Variants in DYRK1A observed in about 807,000 individuals in gnomAD.
The protein encoded by DYRK1A is dual specificity tyrosine phosphorylation regulated kinase 1A.
A neutral mutation model predicts 79.7 loss-of-function variants in DYRK1A; 9 were observed. The observed-to-expected ratio is 0.11, with a 90% CI of 0.07 to 0.20. The LOEUF is 0.20. Ranked by LOEUF, DYRK1A falls within the 10% of genes least tolerant of loss-of-function variation. DYRK1A has a pLI of 1.00. For missense variants in DYRK1A, 622 were observed against 956.0 expected, an observed-to-expected ratio of 0.65 and a Z score of 4.61; for synonymous variants, 349 against 329.7, an observed-to-expected ratio of 1.06 and a Z score of -0.63.
At chr21:37,423,164 G>GA (rs958270252) in intron 2 of DYRK1A, among the ~76,000 whole-genome samples, 1 of 152,146 alleles carries the variant, frequency 6.6e-6, no homozygotes, top group Non-Finnish European at 1.5e-5. Flanking sequence ...CATGCAGAGA[G>GA]AAAGTAGAGA....
intron 1 of DYRK1A, among the ~76,000 whole-genome samples, chr21:37,370,015 C>T (rs1303534178): frequency 2.0e-5 from 3 of 151,894 alleles, no homozygotes; most frequent in Non-Finnish European, 4.4e-5. Flanking sequence ...ATTTTTTTTC[C>T]CCTCCAAAAT....
In DYRK1A at chr21:37,512,209, C is replaced by G; in HGVS notation, c.1943C>G (p.Ser648Cys). The G allele has an allele frequency of 1.2e-6, 2 of 1,614,204 alleles. No homozygotes were observed. Among genetic ancestry groups the G allele is most frequent in the African/African-American group, 1.3e-5 (1 of 75,044 alleles). The change falls in exon 12 of 12, where the codon TCC (serine) becomes TGC (cysteine). Residue 648 changes from serine to cysteine, a missense_variant. Around this residue, in one of 5 missense-constraint regions of DYRK1A, gnomAD observed 292 missense variants for 316.7 expected, o/e 0.92. Transcript: ENST00000647188. The part of the protein sequence containing the change: ...EVGHSHHSMT[S>C]LSSSTTSSST... ...GGCCACAGTCACCACTCCATGACATCCCTGTCTTCCTCAACGACTTCTTCC... is the reference window on the plus strand; with the variant it reads ...GGCCACAGTCACCACTCCATGACATGCCTGTCTTCCTCAACGACTTCTTCC...
Position 37,420,394 on chromosome 21 carries a change from G to A in DYRK1A, c.10+10G>A, listed in dbSNP as rs1168220981. 3 of 1,611,214 alleles carry A rather than the reference G, an allele frequency of 1.9e-6. No homozygotes were observed. In the South Asian group the frequency reaches 3.3e-5, roughly 18 times the overall value. ...AAGACGATGCATACAGGTGACTCAA[G>A]TTTTGAAATACAGTAAAACTCTGGC... On this transcript the variant is annotated intron_variant, in intron 2 of 11. Coordinates refer to ENST00000647188, the MANE Select transcript of DYRK1A (RefSeq NM_001347721.2).
Position 37,512,663 on chromosome 21 carries a change from A to ATTT in DYRK1A, c.*140_*142dup. 4.3e-6 allele frequency: 4 copies of ATTT among 935,942 alleles called. No homozygotes were observed. Among genetic ancestry groups the ATTT allele is most frequent in the Non-Finnish European group, 6.2e-6 (4 of 648,784 alleles). 58.0% of individuals were successfully genotyped at this position (935,942 alleles called of 1,614,324 possible). On this transcript the variant is annotated 3_prime_UTR_variant, in exon 12 of 12. Coordinates refer to ENST00000647188, the MANE Select transcript of DYRK1A (RefSeq NM_001347721.2). ...GAACCGCTACAAGAGGGCAAAGCTG[A>ATTT]TTTTTTTTTTAACTTGAAAAGATTG... is the stretch of plus-strand genomic sequence containing the variant.
At chr21:37,392,290 T>C (rs948677656) in intron 1 of DYRK1A, among the ~76,000 whole-genome samples, 112 of 152,240 alleles carry the variant, frequency 7.4e-4, no homozygotes, top group Non-Finnish European at 1.4e-3. Flanking sequence ...TTCCTGACTT[T>C]CCTAGAAGGA....
rs1002249755 is a variant in DYRK1A at position 37,429,416 on chromosome 21, G to C, written c.10+9032G>C. 9.2e-5 allele frequency among the ~76,000 whole-genome samples: 14 copies of C among 152,272 alleles called. No homozygotes were observed. The South Asian group carries it at 2.5e-3, about 27-fold the overall frequency. ...GTTTTAATTGGTACACGGTTCCACAGGTTATACATGAAGCATGGCTAGGGA... is the reference window on the plus strand; with the variant it reads ...GTTTTAATTGGTACACGGTTCCACACGTTATACATGAAGCATGGCTAGGGA... On this transcript the variant is annotated intron_variant, in intron 2 of 11. Coordinates refer to ENST00000647188, the MANE Select transcript of DYRK1A (RefSeq NM_001347721.2).
intron 1 of DYRK1A, among the ~76,000 whole-genome samples, chr21:37,378,053 A>G (rs995205551): frequency 2.0e-5 from 3 of 152,202 alleles, no homozygotes; most frequent in African/African-American, 2.4e-5. Context: ...ATAGTTTCTC[A>G]AATCTCACCA....
At chr21:37,412,344 G>A (rs750923298) in intron 1 of DYRK1A, among the ~76,000 whole-genome samples, 2 of 152,168 alleles carry the variant, frequency 1.3e-5, no homozygotes, top group African/African-American at 4.8e-5. Context: ...AGTATGTGTA[G>A]CAGCTTTATG....
At chr21:37,378,913 T>C (rs1298025461) in intron 1 of DYRK1A, among the ~76,000 whole-genome samples, 1 of 152,120 alleles carries the variant, frequency 6.6e-6, no homozygotes, top group African/African-American at 2.4e-5. Context: ...GTCTCGATCT[T>C]GAAGAGTGGA....
chr21:37,388,010 C>T (rs1313243580), intron 1 of DYRK1A, among the ~76,000 whole-genome samples: 2 of 151,718 alleles, frequency 1.3e-5, no homozygotes, highest in African/African-American at 4.8e-5. Context: ...CTCATGACCT[C>T]TTTATAAATG....
intron 2 of DYRK1A, among the ~76,000 whole-genome samples, chr21:37,462,536 C>G (rs1461785990): frequency 6.6e-6 from 1 of 152,150 alleles, no homozygotes; most frequent in Non-Finnish European, 1.5e-5. Context: ...GTTCACAGTT[C>G]CCTGGTAGTT....
At chr21:37,461,803 A>G (rs896766851) in intron 2 of DYRK1A, among the ~76,000 whole-genome samples, 8 of 139,808 alleles carry the variant, frequency 5.7e-5, no homozygotes, top group Non-Finnish European at 9.4e-5. Context: ...TTTCTTCATC[A>G]TTGGTTTTCA....
chr21:37,377,875 A>G (rs541524106), intron 1 of DYRK1A, among the ~76,000 whole-genome samples: 2 of 152,318 alleles, frequency 1.3e-5, no homozygotes, highest in Admixed American at 1.3e-4. Flanking sequence ...GCTGGTGCGT[A>G]CTTCCTTGCA....
Position 37,367,438 on chromosome 21 carries a change from C to A in DYRK1A, c.-267C>A, listed in dbSNP as rs559854461. ...GAGGGGGCTGTCGCCTCCCCGGCCC[C>A]GGGCGCCGCTGGAACCGCGAGCCGA... On this transcript the variant is annotated 5_prime_UTR_variant, in exon 1 of 12. Coordinates refer to ENST00000647188, the MANE Select transcript of DYRK1A (RefSeq NM_001347721.2). 3 of 148,750 alleles carry A rather than the reference C, an allele frequency of 2.0e-5. No homozygotes were observed. Among genetic ancestry groups the A allele is most frequent in the Admixed American group, 2.0e-4 (3 of 15,014 alleles). 9.2% of individuals were successfully genotyped at this position (148,750 alleles called of 1,614,324 possible).
At chr21:37,493,414 A>G (rs904440143) in intron 8 of DYRK1A, among the ~76,000 whole-genome samples, 4 of 152,238 alleles carry the variant, frequency 2.6e-5, no homozygotes, top group Non-Finnish European at 5.9e-5. Flanking sequence ...ATTTTGGCAT[A>G]CATTTTACAG....
At chr21:37,499,115 T>C (rs946311537) in intron 9 of DYRK1A, among the ~76,000 whole-genome samples, 5 of 152,196 alleles carry the variant, frequency 3.3e-5, no homozygotes, top group African/African-American at 9.6e-5. Flanking sequence ...AGTTTTAATA[T>C]TGATGAAGTT....
At position 37,432,779 on chromosome 21, in the gene DYRK1A, A is replaced by G. The variant is rs144989079; in HGVS notation, c.10+12395A>G. Reference sequence around the variant, plus strand: ...ATAAAAAAAAGTTAACAGTTATTCTAAAAATATTTCTTATAGGGGAGAAAA... The same window carrying G: ...ATAAAAAAAAGTTAACAGTTATTCTGAAAATATTTCTTATAGGGGAGAAAA... On this transcript the variant is annotated intron_variant, in intron 2 of 11. Transcript: ENST00000647188. Among the ~76,000 whole-genome samples, 533 of 152,192 alleles carry G rather than the reference A, an allele frequency of 3.5e-3. 2 individuals carry two copies. In the Middle Eastern group the frequency reaches 0.045, roughly 13 times the overall value.
At chr21:37,488,628 CTTT>C in intron 6 of DYRK1A, 1 of 985,314 alleles carries the variant, frequency 1.0e-6, no homozygotes, top group Non-Finnish European at 1.2e-6. Context: ...TTTGAGCTTT[CTTT>C]GACAATGTCT....
chr21:37,452,789 CT>C (rs1479254087), intron 2 of DYRK1A, among the ~76,000 whole-genome samples: 21 of 85,374 alleles, frequency 2.5e-4, no homozygotes, highest in Non-Finnish European at 3.9e-4. Flanking sequence ...CTTGAGGATT[CT>C]TCTGTGCCCA....
Sources: allele counts gnomAD v4.1 joint callset (sites outside exome capture counted in the v4.1 genomes callset), GRCh38; gene constraint gnomAD v4.1.1; regional missense constraint gnomAD v4.1.1; transcripts MANE v1.5; gene names NCBI Gene and HGNC (gene_info 2026-07-23, HGNC 2026-07-21).